The following MAPK8IP2 variants were observed in gnomAD, a reference collection of about 807,000 sequenced individuals.
MAPK8IP2 encodes C-Jun-amino-terminal kinase-interacting protein 2.
Under a neutral mutation model 75.6 loss-of-function variants are expected in MAPK8IP2, and 15 were observed. The observed-to-expected ratio is 0.20, with a 90% CI of 0.13 to 0.31. The LOEUF is 0.31. Among genes scored for constraint, MAPK8IP2 ranks in the 10% least tolerant of loss-of-function variants. MAPK8IP2 has a pLI of 1.00. For synonymous variants in MAPK8IP2, 632 were observed against 554.5 expected, an observed-to-expected ratio of 1.14 and a Z score of -1.96; for missense variants, 1,089 against 1,211.2, an observed-to-expected ratio of 0.90 and a Z score of 1.50.
At chr22:50,605,795 G>A (rs761743537) in intron 7 of MAPK8IP2, 30 bp from the exon 8 acceptor site, 1 of 1,595,168 alleles carries the variant, frequency 6.3e-7, no homozygotes. Context: ...GCCCCTGCCT[G>A]ACCTGGGCCC....
At position 50,604,713 on chromosome 22, in the gene MAPK8IP2, G is replaced by A; in HGVS notation, c.1414G>A (p.Asp472Asn). 1.3e-6 allele frequency: 2 copies of A among 1,532,418 alleles called. No individual in the cohort carries two copies. Among genetic ancestry groups the A allele is most frequent in the Non-Finnish European group, 1.8e-6 (2 of 1,141,242 alleles). The allele number at this position is 1,532,418 out of a possible 1,614,324, so 94.9% of individuals were successfully genotyped here. Residue 472 changes from aspartate (D) to asparagine (N), a missense_variant, in exon 5 of 12, where the codon GAC (aspartate) becomes AAC (asparagine). By Grantham distance (23) the Asp-to-Asn change is conservative (BLOSUM62 1). Coordinates refer to ENST00000329492, the MANE Select transcript of MAPK8IP2 (RefSeq NM_012324.6). ...ACSAACSEEEDEEDDEEEEDA... is the reference protein window; with the variant it reads ...ACSAACSEEENEEDDEEEEDA... ...CTCCGCCGCCTGCTCCGAGGAGGAG[G>A]ACGAAGAGGACGACGAGGAAGAGGA...
chr22:50,607,634 G>A lies in MAPK8IP2; in HGVS notation c.2303+643G>A, dbSNP rs995818461. 6.6e-5 allele frequency among the ~76,000 whole-genome samples: 10 copies of A among 152,190 alleles called. No individual in the cohort carries two copies. The highest frequency in any genetic ancestry group is 1.9e-4 in the East Asian group (1 of 5,182). ...AGTACAGGCAGGACCTAGGTTGACCGGCTGTAGAGGGTGACCTGGAAGAGA... is the reference window on the plus strand; with the variant it reads ...AGTACAGGCAGGACCTAGGTTGACCAGCTGTAGAGGGTGACCTGGAAGAGA... On this transcript the variant is annotated intron_variant, in intron 10 of 11. Coordinates refer to ENST00000329492, the MANE Select transcript of MAPK8IP2 (RefSeq NM_012324.6). This position sits in a 1 kb window ranked among gnomAD's most constrained non-coding sequence, Gnocchi z 5.6.
Position 50,610,714 on chromosome 22 carries a change from T to C in MAPK8IP2, c.2410T>C (p.Phe804Leu). 1 of 1,607,368 alleles carries C rather than the reference T, an allele frequency of 6.2e-7. No homozygotes were observed. Among genetic ancestry groups the C allele is most frequent in the Non-Finnish European group, 8.5e-7 (1 of 1,177,632 alleles). The change falls in exon 12 of 12, where the codon TTC becomes CTC. Residue 804 changes from phenylalanine (F) to leucine (L), a missense_variant. Around this residue, in one of 2 missense-constraint regions of MAPK8IP2, gnomAD observed 129 missense variants for 201.7 expected, o/e 0.64. Coordinates refer to ENST00000329492, the MANE Select transcript of MAPK8IP2 (RefSeq NM_012324.6). The surrounding 1 kb of genome is among the most constrained non-coding windows in gnomAD (Gnocchi z 4.3). Reference protein sequence around the residue: ...RPVAQSVGRAFLEYYQEHLAY... With the variant: ...RPVAQSVGRALLEYYQEHLAY... The stretch of plus-strand genomic sequence containing the variant: ...AGGACCGTCTTTCCCCAGCCGCGCC[T>C]TCCTGGAGTACTACCAAGAGCACCT...
In MAPK8IP2 at chr22:50,601,889, G is replaced by C; in HGVS notation, c.166G>C (p.Glu56Gln). The part of the protein sequence containing the change: ...LGLSYDSDHC[E>Q]KDSLSLGRSE... ...CCTCAGCTACGACTCAGACCACTGTGAGAAGGTGGGAGAAGAGTTGGGGAC... is the reference window on the plus strand; with the variant it reads ...CCTCAGCTACGACTCAGACCACTGTCAGAAGGTGGGAGAAGAGTTGGGGAC... Residue 56 changes from glutamate (E) to glutamine (Q), a missense_variant, in exon 2 of 12, where the codon GAG (glutamate) becomes CAG (glutamine). By Grantham distance (29) the Glu-to-Gln change is conservative. Around this residue, in one of 2 missense-constraint regions of MAPK8IP2, gnomAD observed 960 missense variants for 1,009.6 expected, o/e 0.95. Transcript: ENST00000329492. 1 of 1,612,064 alleles carries C rather than the reference G, an allele frequency of 6.2e-7. No homozygotes were observed. Among genetic ancestry groups the C allele is most frequent in the Admixed American group, 1.7e-5 (1 of 60,020 alleles).
At chr22:50,605,798 C>A in intron 7 of MAPK8IP2, 27 bp from the exon 8 acceptor site, 1 of 1,592,758 alleles carries the variant, frequency 6.3e-7, no homozygotes, top group Non-Finnish European at 8.5e-7. Context: ...CCTGCCTGAC[C>A]TGGGCCCTCT....
chr22:50,612,932 C>A lies in MAPK8IP2; in HGVS notation c.*2153C>A, dbSNP rs2071174599. On this transcript the variant is annotated 3_prime_UTR_variant, in exon 12 of 12. Transcript: ENST00000329492. ...CCCCAACGTGTCTTCAGGTCTCTTTCCCTCCAGCCGGCCCTTAGGACGGCT... is the reference window on the plus strand; with the variant it reads ...CCCCAACGTGTCTTCAGGTCTCTTTACCTCCAGCCGGCCCTTAGGACGGCT... The A allele has an allele frequency of 7.6e-6, 1 of 130,806 alleles. No homozygotes were observed. Among genetic ancestry groups the A allele is most frequent in the Middle Eastern group, 4.1e-3 (1 of 242 alleles). 8.1% of individuals were successfully genotyped at this position (130,806 alleles called of 1,614,324 possible).
At chr22:50,603,097 G>A in intron 2 of MAPK8IP2, 126 bp from the exon 3 acceptor site, 3 of 1,571,790 alleles carry the variant, frequency 1.9e-6, no homozygotes, top group East Asian at 2.3e-5. Flanking sequence ...GTAGACAGAG[G>A]GGCAGAGTGA....
rs1340884208 is a variant in MAPK8IP2 at position 50,605,912 on chromosome 22, T to C, written c.2102T>C (p.Ile701Thr). ...VEVPCHQGNG[I>T]LCAAMQKIAT... is the part of the protein sequence containing the mutation. ...GTGCCCTGCCACCAGGGCAACGGCA[T>C]CCTGTGTGCAGCCATGCAGAAGGTC... Residue 701 changes from isoleucine (I) to threonine (T), a missense_variant, in exon 8 of 12, where the codon ATC (isoleucine) becomes ACC (threonine). Coordinates refer to ENST00000329492, the MANE Select transcript of MAPK8IP2 (RefSeq NM_012324.6). 6.3e-7 allele frequency: 1 copy of C among 1,580,978 alleles called. No individual in the cohort carries two copies.
intron 1 of MAPK8IP2, 89 bp from the exon 2 acceptor site, chr22:50,601,700 G>A: frequency 1.1e-6 from 1 of 908,142 alleles, no homozygotes. Context: ...GGGTGTAGGA[G>A]CTGACGCCTC....
chr22:50,603,169 C>T (rs769067192), intron 2 of MAPK8IP2, 54 bp from the exon 3 acceptor site: 3 of 1,611,474 alleles, frequency 1.9e-6, no homozygotes, highest in South Asian at 1.1e-5. Context: ...CACCTGGGCC[C>T]CTGGGCTACT....
rs866703468 is a variant in MAPK8IP2, at chr22:50,612,863, T to G, written c.*2084T>G. ...CAAGCCCTGCCCTCCGGCGCCCCCG[T>G]CCCGCCCCTGCCCGGCCTGGCCCCG... On this transcript the variant is annotated 3_prime_UTR_variant, in exon 12 of 12. Transcript: ENST00000329492. 1 of 72,442 alleles carries G rather than the reference T, an allele frequency of 1.4e-5. No individual in the cohort carries two copies. The highest frequency in any genetic ancestry group is 2.7e-5 in the Non-Finnish European group (1 of 37,218). The allele number at this position is 72,442 out of a possible 1,614,324, so 4.5% of individuals were successfully genotyped here. A position where few individuals can be genotyped will look rare whatever the true frequency, so the allele number is the denominator to read the frequency against.
In MAPK8IP2 at chr22:50,600,877, G is replaced by A. The variant is rs749399515; in HGVS notation, c.59G>A (p.Gly20Asp). The A allele has an allele frequency of 2.3e-6, 3 of 1,278,204 alleles. No individual in the cohort carries two copies. Among genetic ancestry groups the A allele is most frequent in the Non-Finnish European group, 3.0e-6 (3 of 984,114 alleles). 79.2% of individuals were successfully genotyped at this position (1,278,204 alleles called of 1,614,324 possible). A position where few individuals can be genotyped will look rare whatever the true frequency, so the allele number is the denominator to read the frequency against. Residue 20 changes from glycine (G) to aspartate (D), a missense_variant, in exon 1 of 12, where the codon GGC (glycine) becomes GAC (aspartate). By Grantham distance (94) the Gly-to-Asp change is moderately conservative (BLOSUM62 -1). Around this residue, in one of 2 missense-constraint regions of MAPK8IP2, gnomAD observed 960 missense variants for 1,009.6 expected, o/e 0.95. Transcript: ENST00000329492. ...LSTFHSLSPPGCRPPQDISLE... is the reference protein window; with the variant it reads ...LSTFHSLSPPDCRPPQDISLE... ...ACCTTCCACTCGCTGTCGCCGCCGGGCTGCAGGTACCCCCCTCGGCGCCCG... is the reference window on the plus strand; with the variant it reads ...ACCTTCCACTCGCTGTCGCCGCCGGACTGCAGGTACCCCCCTCGGCGCCCG...
chr22:50,604,308 T>TCGGAGC lies in MAPK8IP2; in HGVS notation c.1014_1019dup (p.Glu338_Pro339dup), dbSNP rs2071000766. 1 of 1,546,758 alleles carries TCGGAGC rather than the reference T, an allele frequency of 6.5e-7. No individual in the cohort carries two copies. The highest frequency in any genetic ancestry group is 8.7e-7 in the Non-Finnish European group (1 of 1,154,060). On this transcript the variant is annotated inframe_insertion, in exon 5 of 12. Coordinates refer to ENST00000329492, the MANE Select transcript of MAPK8IP2 (RefSeq NM_012324.6). The stretch of plus-strand genomic sequence containing the variant: ...CAGCGAGTACGAGTCGGGGTCGGAG[T>TCGGAGC]CGGAGCCGGACCTCAGCGAGGACGC...
Position 50,606,902 on chromosome 22 carries a change from C to T in MAPK8IP2, c.2233-19C>T, listed in dbSNP as rs771693698. On this transcript the variant is annotated intron_variant, in intron 9 of 11. Transcript: ENST00000329492. ...CAGGCCTCCTTTGACACAGGGACTT[C>T]TGCCCACCTCTGCTCTAGTTCCAGC... 5 of 1,613,164 alleles carry T rather than the reference C, an allele frequency of 3.1e-6. No homozygotes were observed. The East Asian group carries it at 1.1e-4, about 36-fold the overall frequency.
At position 50,607,518 on chromosome 22, in the gene MAPK8IP2, G is replaced by A. The variant is rs151047881; in HGVS notation, c.2303+527G>A. On this transcript the variant is annotated intron_variant, in intron 10 of 11. Coordinates refer to ENST00000329492, the MANE Select transcript of MAPK8IP2 (RefSeq NM_012324.6). The surrounding 1 kb of genome is among the most constrained non-coding windows in gnomAD (Gnocchi z 5.6). ...GGCCATAGAAGGCTCCTAATGGAAG[G>A]AGGTGACACAGGGGACCTGGGGGCT... 1.2e-3 allele frequency among the ~76,000 whole-genome samples: 185 copies of A among 152,246 alleles called. 2 individuals carry two copies. The highest frequency in any genetic ancestry group is 4.3e-3 in the African/African-American group (178 of 41,528).
chr22:50,608,218 C>G (rs2071081704), intron 10 of MAPK8IP2, among the ~76,000 whole-genome samples: 1 of 152,214 alleles, frequency 6.6e-6, no homozygotes, highest in Non-Finnish European at 1.5e-5. Context: ...CAGAGATGGT[C>G]TGATGGGATC....
At position 50,600,902 on chromosome 22, in the gene MAPK8IP2, G is replaced by A. The variant is rs762568635; in HGVS notation, c.65+19G>A. On this transcript the variant is annotated intron_variant, in intron 1 of 11. Coordinates refer to ENST00000329492, the MANE Select transcript of MAPK8IP2 (RefSeq NM_012324.6). ...GCTGCAGGTACCCCCCTCGGCGCCC[G>A]GGCCGGGCGGACCCTCCGCTCCCTG... 2 of 1,184,134 alleles carry A rather than the reference G, an allele frequency of 1.7e-6. No homozygotes were observed. The highest frequency in any genetic ancestry group is 1.6e-5 in the South Asian group (1 of 62,470). The allele number at this position is 1,184,134 out of a possible 1,614,324, so 73.4% of individuals were successfully genotyped here.
Position 50,604,189 on chromosome 22 carries a change from T to C in MAPK8IP2, c.890T>C (p.Ile297Thr). Residue 297 changes from isoleucine (I) to threonine (T), a missense_variant, in exon 5 of 12, where the codon ATC becomes ACC. Transcript: ENST00000329492. Reference sequence around the variant, plus strand: ...CGCTCCTCGCACCTCACCAACTCCATCGAGGAGGCCTCGTCGCCCGCCTCG... The same window carrying C: ...CGCTCCTCGCACCTCACCAACTCCACCGAGGAGGCCTCGTCGCCCGCCTCG... ...SGRSSHLTNS[I>T]EEASSPASEP... 1 of 1,546,256 alleles carries C rather than the reference T, an allele frequency of 6.5e-7. No individual in the cohort carries two copies.
chr22:50,606,203 C>T (rs1308115681), intron 8 of MAPK8IP2, among the ~76,000 whole-genome samples: 2 of 152,236 alleles, frequency 1.3e-5, no homozygotes, highest in African/African-American at 4.8e-5. Flanking sequence ...CCCCGACTGC[C>T]ATCAGCCCTT....
Sources: gnomAD v4.1 joint callset for allele counts (sites outside exome capture counted in the v4.1 genomes callset) on GRCh38, gnomAD v4.1.1 for gene constraint, gnomAD v4.1.1 regional missense constraint, Gnocchi (gnomAD v3.1) non-coding constraint, MANE v1.5 for transcripts, NCBI Gene and HGNC (gene_info 2026-07-23, HGNC 2026-07-21) for gene names.